The following TG variants were observed in gnomAD, a reference collection of about 807,000 sequenced individuals.
The protein encoded by TG is thyroid hormones.
Under a neutral mutation model 324.7 loss-of-function variants are expected in TG, and 270 were observed. The ratio of observed to expected loss-of-function variants is 0.83; its 90% CI spans 0.75 to 0.92. The LOEUF (loss-of-function observed/expected upper bound fraction) is 0.92, where lower values mean the gene tolerates loss of function less well. Among genes scored for constraint, TG ranks in the 40% least tolerant of loss-of-function variants. The probability of loss-of-function intolerance (pLI) is 0.00; values close to 1 mark genes in which losing one functional copy is unlikely to be tolerated. For synonymous variants in TG, 1,401 were observed against 1,327.0 expected, an observed-to-expected ratio of 1.06 and a Z score of -1.21; for missense variants, 3,591 against 3,456.4, an observed-to-expected ratio of 1.04 and a Z score of -0.98.
intron 29 of TG, among the ~76,000 whole-genome samples, chr8:132,965,373 C>A (rs1461823184): frequency 2.6e-5 from 4 of 152,220 alleles, no homozygotes; most frequent in Admixed American, 6.5e-5. Context: ...AGCTCAGTCT[C>A]CTTGAGCCTG....
At chr8:133,038,505 C>A in intron 41 of TG, 1 of 1,572,200 alleles carries the variant, frequency 6.4e-7, no homozygotes, top group Non-Finnish European at 8.8e-7. Context: ...TGGGCATGAA[C>A]CATTGTGTCT....
At chr8:133,018,529 GT>G (rs5895169) in intron 38 of TG, among the ~76,000 whole-genome samples, 64,916 of 147,626 alleles carry the variant, frequency 0.44, 14,140 homozygotes, top group Middle Eastern at 0.5. Flanking sequence ...AAAATTACAA[GT>G]TTTTTTTTTT....
intron 45 of TG, among the ~76,000 whole-genome samples, chr8:133,118,180 A>C (rs1850849575): frequency 6.6e-6 from 1 of 152,096 alleles, no homozygotes. Flanking sequence ...TATAATTGAC[A>C]TGGCCAGTGA....
In TG at chr8:132,887,272, G is replaced by A. The variant is rs116417639; in HGVS notation, c.1900G>A (p.Gly634Arg). Residue 634 changes from glycine to arginine, a missense_variant, in exon 9 of 48, where the codon GGA becomes AGA. Physicochemically the swap from Gly to Arg is moderately radical, Grantham distance 125. Transcript: ENST00000220616. ...GSYEDVQCFS[G>R]ECWCVNSWGK... ...CTATGAGGATGTCCAATGCTTTTCCGGAGAGTGCTGGTGTGTGAATTCCTG... is the reference window on the plus strand; with the variant it reads ...CTATGAGGATGTCCAATGCTTTTCCAGAGAGTGCTGGTGTGTGAATTCCTG... 3.0e-4 allele frequency: 485 copies of A among 1,601,692 alleles called. No individual in the cohort carries two copies. Among genetic ancestry groups the A allele is most frequent in the Middle Eastern group, 1.3e-3 (8 of 5,984 alleles).
At chr8:132,867,800 G>T (rs1189143560) in intron 1 of TG, among the ~76,000 whole-genome samples, 1 of 152,040 alleles carries the variant, frequency 6.6e-6, no homozygotes. Context: ...GGCGGGGAAC[G>T]TGTAGTCCCA....
intron 38 of TG, among the ~76,000 whole-genome samples, chr8:133,018,848 A>G (rs931882697): frequency 6.6e-6 from 1 of 152,118 alleles, no homozygotes; most frequent in Non-Finnish European, 1.5e-5. Flanking sequence ...TAGAGTGATG[A>G]GCTAGGAGGC....
intron 44 of TG, 105 bp from the exon 45 acceptor site, chr8:133,116,504 G>A: frequency 2.2e-6 from 2 of 912,554 alleles, no homozygotes; most frequent in Non-Finnish European, 3.6e-6. Context: ...TGGCAGGGGT[G>A]GGTTGGGGGC....
intron 27 of TG, among the ~76,000 whole-genome samples, chr8:132,956,721 G>A (rs1826931718): frequency 6.6e-6 from 1 of 152,178 alleles, no homozygotes; most frequent in South Asian, 2.1e-4. Context: ...TGTAGCTCCT[G>A]CAGGACCAAA....
chr8:132,888,471 T>C lies in TG; in HGVS notation c.2664T>C (p.Thr888=), dbSNP rs1815742542. 1.1e-5 allele frequency: 18 copies of C among 1,610,658 alleles called. No homozygotes were observed. The highest frequency in any genetic ancestry group is 1.5e-5 in the Non-Finnish European group (18 of 1,178,282). Residue 888 remains threonine (T), a synonymous_variant, in exon 10 of 48, where the codon ACT becomes ACC. Coordinates refer to ENST00000220616, the MANE Select transcript of TG (RefSeq NM_003235.5). ...QYPGSYSDFS[T]PLAHFDLRNC... ...CGGGGTCCTACTCAGACTTCAGCACTCCTTTGGCACATTTTGATCTTCGGA... is the reference window on the plus strand; with the variant it reads ...CGGGGTCCTACTCAGACTTCAGCACCCCTTTGGCACATTTTGATCTTCGGA...
In TG at chr8:132,888,133, G is replaced by A. The variant is rs770193123; in HGVS notation, c.2326G>A (p.Gly776Arg). ...DGQWRQVQCN[G>R]PPEQVFELYQ... is the part of the protein sequence containing the mutation. ...GCAGTGGAGACAAGTGCAATGCAATGGGCCTCCTGAGCAGGTCTTCGAGTT... is the reference window on the plus strand; with the variant it reads ...GCAGTGGAGACAAGTGCAATGCAATAGGCCTCCTGAGCAGGTCTTCGAGTT... Residue 776 changes from glycine (G) to arginine (R), a missense_variant, in exon 10 of 48, where the codon GGG becomes AGG. Coordinates refer to ENST00000220616, the MANE Select transcript of TG (RefSeq NM_003235.5). 1.9e-6 allele frequency: 3 copies of A among 1,614,078 alleles called. No individual in the cohort carries two copies. The highest frequency in any genetic ancestry group is 2.5e-6 in the Non-Finnish European group (3 of 1,180,006).
chr8:133,083,327 A>G (rs559431636), intron 41 of TG, among the ~76,000 whole-genome samples: 14 of 152,332 alleles, frequency 9.2e-5, no homozygotes, highest in African/African-American at 3.1e-4. Context: ...AACAATTGCT[A>G]CCACTATTTA....
intron 22 of TG, among the ~76,000 whole-genome samples, chr8:132,926,039 A>G (rs1821822695): frequency 6.6e-6 from 1 of 152,182 alleles, no homozygotes; most frequent in Non-Finnish European, 1.5e-5. Context: ...CTTTCTGGAT[A>G]TGCCTGGGGA....
intron 26 of TG, 123 bp from the exon 27 acceptor site, chr8:132,948,653 T>C (rs972186895): frequency 7.6e-6 from 8 of 1,047,844 alleles, no homozygotes; most frequent in Admixed American, 5.1e-5. Context: ...AATTCTAGTG[T>C]CTATGTCTTC....
chr8:133,005,591 T>G (rs2130856642), intron 35 of TG, among the ~76,000 whole-genome samples: 1 of 152,168 alleles, frequency 6.6e-6, no homozygotes, highest in East Asian at 1.9e-4. Context: ...TCATTTAATA[T>G]CACCATTTTA....
rs61744678 is a variant in TG, at chr8:132,941,428, C to T, written c.5119C>T (p.Pro1707Ser). 23,240 of 1,614,174 alleles carry T rather than the reference C, an allele frequency of 0.014. 2,085 individuals carry two copies. In the African/African-American group the frequency reaches 0.23, roughly 16 times the overall value. Reference protein sequence around the residue: ...FQNMLSGLYNPIVFSASGANL... With the variant: ...FQNMLSGLYNSIVFSASGANL... Reference sequence around the variant, plus strand: ...AAACATGCTTTCTGGATTGTACAACCCCATTGTGTTCTCAGCCTCAGGAGC... The same window carrying T: ...AAACATGCTTTCTGGATTGTACAACTCCATTGTGTTCTCAGCCTCAGGAGC... The change falls in exon 26 of 48, where the codon CCC becomes TCC. Residue 1707 changes from proline to serine, a missense_variant. By Grantham distance (74) the Pro-to-Ser change is moderately conservative (BLOSUM62 -1). Transcript: ENST00000220616.
chr8:132,932,850 C>A (rs2129649348), intron 23 of TG, among the ~76,000 whole-genome samples: 1 of 152,312 alleles, frequency 6.6e-6, no homozygotes, highest in South Asian at 2.1e-4. Flanking sequence ...TAGCCTTGAA[C>A]AAAGTTGTGA....
chr8:132,935,881 G>A lies in TG; in HGVS notation c.5041+17G>A. ...TGAAAAAGGGTAGGTTGGTCAGGCT[G>A]GTTGGCTTAGGCCCGCGGTGGCTTC... On this transcript the variant is annotated intron_variant, in intron 25 of 47. Coordinates refer to ENST00000220616, the MANE Select transcript of TG (RefSeq NM_003235.5). The A allele has an allele frequency of 6.2e-7, 1 of 1,604,302 alleles. No homozygotes were observed. Among genetic ancestry groups the A allele is most frequent in the Non-Finnish European group, 8.5e-7 (1 of 1,173,074 alleles).
chr8:132,983,733 A>G (rs1364013214), intron 35 of TG: 3 of 445,156 alleles, frequency 6.7e-6, no homozygotes, highest in East Asian at 4.8e-5. Context: ...CTAGACACAC[A>G]CAATCCGGAG....
intron 35 of TG, among the ~76,000 whole-genome samples, chr8:132,993,928 G>GAT (rs1439209968): frequency 6.6e-6 from 1 of 152,180 alleles, no homozygotes; most frequent in Non-Finnish European, 1.5e-5. Context: ...AGCTATGGAA[G>GAT]ATATCCTTCA....
Sources: allele counts gnomAD v4.1 joint callset (sites outside exome capture counted in the v4.1 genomes callset), GRCh38; gene constraint gnomAD v4.1.1; transcripts MANE v1.5; gene names NCBI Gene and HGNC (gene_info 2026-07-23, HGNC 2026-07-21).